DNMBP: variants seen among roughly 807,000 people sequenced by gnomAD.
DNMBP encodes the protein dynamin binding protein.
In DNMBP, 87 loss-of-function variants were observed where a neutral mutation model predicts 150.0. The ratio of observed to expected loss-of-function variants is 0.58; its 90% confidence interval spans 0.49 to 0.69. DNMBP has a LOEUF of 0.69. DNMBP is among the 30% of genes least tolerant of loss of function. DNMBP has a pLI of 0.00. For missense variants in DNMBP, 1,774 were observed against 1,949.0 expected (o/e 0.91, Z 1.69); for synonymous variants, 711 against 750.4 (o/e 0.95, Z 0.86).
At chr10:99,963,022 C>A (rs2040580858) in intron 3 of DNMBP, among the ~76,000 whole-genome samples, 1 of 152,174 alleles carries the variant, frequency 6.6e-6, no homozygotes, top group South Asian at 2.1e-4. Flanking sequence ...CTGGAAAGTA[C>A]TTTAGAGATT....
chr10:99,945,407 G>T (rs2040345635), intron 4 of DNMBP, among the ~76,000 whole-genome samples: 1 of 152,202 alleles, frequency 6.6e-6, no homozygotes, highest in Admixed American at 6.5e-5. Context: ...GGTCTAATCA[G>T]TTAGCTTTGC....
chr10:99,981,010 T>C (rs1484992157), intron 1 of DNMBP, among the ~76,000 whole-genome samples: 1 of 151,978 alleles, frequency 6.6e-6, no homozygotes, highest in Middle Eastern at 3.2e-3. Flanking sequence ...GTTCTGGAGA[T>C]GAATGGTAGT....
rs113238036 is a variant in DNMBP at position 99,975,380 on chromosome 10, C to T, written c.-10-3246G>A. ...GTCTCAAAAAAAAAAAAAATTATATCCAAGAAAACACTGATGTGGATAAAC... is the reference window on the plus strand; with the variant it reads ...GTCTCAAAAAAAAAAAAAATTATATTCAAGAAAACACTGATGTGGATAAAC... On this transcript the variant is annotated intron_variant, in intron 1 of 16. Coordinates refer to ENST00000324109, the MANE Select transcript of DNMBP (RefSeq NM_015221.4). Among the ~76,000 whole-genome samples, 289 of 151,842 alleles carry T rather than the reference C, an allele frequency of 1.9e-3. 1 individual carries two copies. The highest frequency in any genetic ancestry group is 6.7e-3 in the African/African-American group (279 of 41,416).
chr10:99,931,807 A>G (rs1010917092), intron 4 of DNMBP, among the ~76,000 whole-genome samples: 2 of 152,254 alleles, frequency 1.3e-5, no homozygotes, highest in Admixed American at 6.5e-5. Flanking sequence ...ATCTAATGTG[A>G]TAAGTGCTAT....
intron 11 of DNMBP, among the ~76,000 whole-genome samples, chr10:99,891,500 A>T (rs1000371437): frequency 6.6e-6 from 1 of 151,976 alleles, no homozygotes; most frequent in African/African-American, 2.4e-5. Flanking sequence ...GCTGGAGTGC[A>T]GTGGCGTGAT....
chr10:99,983,570 C>T (rs534172412), intron 1 of DNMBP, among the ~76,000 whole-genome samples: 22 of 152,286 alleles, frequency 1.4e-4, no homozygotes, highest in Non-Finnish European at 2.1e-4. Context: ...CCCTCTTGGC[C>T]GCAGCATCCC....
At chr10:99,982,449 AT>A (rs1362911158) in intron 1 of DNMBP, among the ~76,000 whole-genome samples, 7 of 151,932 alleles carry the variant, frequency 4.6e-5, no homozygotes, top group Non-Finnish European at 8.8e-5. Context: ...GTCTCAAAAA[AT>A]AAATAAATAA....
intron 4 of DNMBP, among the ~76,000 whole-genome samples, chr10:99,917,117 G>A (rs2039973060): frequency 6.6e-6 from 1 of 152,182 alleles, no homozygotes; most frequent in Non-Finnish European, 1.5e-5. Flanking sequence ...CAGAACTTTG[G>A]GAGGCCAAGG....
chr10:99,906,483 C>T (rs754286198), intron 6 of DNMBP, among the ~76,000 whole-genome samples: 12 of 152,106 alleles, frequency 7.9e-5, no homozygotes, highest in African/African-American at 2.9e-4. Flanking sequence ...GTAGGACCCA[C>T]AGAACATGAC....
intron 16 of DNMBP, among the ~76,000 whole-genome samples, chr10:99,877,755 T>C (rs1212171946): frequency 6.6e-6 from 1 of 152,066 alleles, no homozygotes; most frequent in East Asian, 1.9e-4. Flanking sequence ...TCCCAGCTAC[T>C]CACGAGGCTG....
chr10:99,946,528 A>G (rs1487521732), intron 4 of DNMBP, among the ~76,000 whole-genome samples: 1 of 152,246 alleles, frequency 6.6e-6, no homozygotes, highest in East Asian at 1.9e-4. Flanking sequence ...TTCTCTATAC[A>G]ATAAATGGTA....
chr10:99,924,905 C>T (rs1332741953), intron 4 of DNMBP, among the ~76,000 whole-genome samples: 1 of 152,222 alleles, frequency 6.6e-6, no homozygotes, highest in Non-Finnish European at 1.5e-5. Context: ...TCCTGCTCCA[C>T]AGCAATTACT....
intron 1 of DNMBP, among the ~76,000 whole-genome samples, chr10:100,000,330 A>G (rs559883721): frequency 6.6e-6 from 1 of 152,246 alleles, no homozygotes; most frequent in Non-Finnish European, 1.5e-5. Context: ...GGGCAGGCTC[A>G]TTTATCCTAA....
chr10:100,005,883 G>A (rs1372953877), intron 1 of DNMBP, among the ~76,000 whole-genome samples: 1 of 151,524 alleles, frequency 6.6e-6, no homozygotes, highest in Non-Finnish European at 1.5e-5. Context: ...ATAAACAAAA[G>A]GAAGCACATG....
chr10:99,966,960 AT>A (rs769272006), intron 3 of DNMBP, among the ~76,000 whole-genome samples: 8,261 of 136,756 alleles, frequency 0.06, 219 homozygotes, highest in African/African-American at 0.093. Flanking sequence ...GGCTAATTTA[AT>A]TTTTTTTTTT....
chr10:99,912,054 C>T (rs1374729679), intron 4 of DNMBP, among the ~76,000 whole-genome samples: 1 of 152,090 alleles, frequency 6.6e-6, no homozygotes, highest in African/African-American at 2.4e-5. Flanking sequence ...TCATTTAATA[C>T]TCACATCAGA....
At chr10:99,885,547 A>G (rs1260337321) in intron 14 of DNMBP, 140 bp downstream of exon 14, 2 of 797,672 alleles carry the variant, frequency 2.5e-6, no homozygotes, top group Non-Finnish European at 3.8e-6. Flanking sequence ...TGAGCCCATG[A>G]TGGGTGAGAA....
At chr10:99,967,083 C>G (rs913889050) in intron 3 of DNMBP, among the ~76,000 whole-genome samples, 1 of 151,626 alleles carries the variant, frequency 6.6e-6, no homozygotes, top group Non-Finnish European at 1.5e-5. Flanking sequence ...CAGGCATGAG[C>G]CACTATACCC....
At chr10:99,913,642 C>A (rs1013135048) in intron 4 of DNMBP, among the ~76,000 whole-genome samples, 1 of 152,034 alleles carries the variant, frequency 6.6e-6, no homozygotes, top group Non-Finnish European at 1.5e-5. Flanking sequence ...GCTTACCCCC[C>A]ACCCCAAGTC....
Sources: gnomAD v4.1 joint callset for allele counts (sites outside exome capture counted in the v4.1 genomes callset) on GRCh38, gnomAD v4.1.1 for gene constraint, MANE v1.5 for transcripts, NCBI Gene and HGNC (gene_info 2026-07-23, HGNC 2026-07-21) for gene names.